Variants in ARHGAP32 observed in about 807,000 individuals in gnomAD.
ARHGAP32 encodes the protein Rho GTPase activating protein 32, also known as rho GTPase-activating protein 32.
Under a neutral mutation model 186.5 loss-of-function variants are expected in ARHGAP32, and 51 were observed. The ratio of observed to expected loss-of-function variants is 0.27; its 90% CI spans 0.22 to 0.35. The LOEUF (loss-of-function observed/expected upper bound fraction) is 0.35. Ranked by LOEUF, ARHGAP32 falls within the 10% of genes least tolerant of loss-of-function variation. ARHGAP32 has a pLI of 1.00. For missense variants in ARHGAP32, 2,186 were observed against 2,623.5 expected (o/e 0.83, Z 3.64); for synonymous variants, 950 against 964.3 (o/e 0.99, Z 0.27).
intron 11 of ARHGAP32, among the ~76,000 whole-genome samples, chr11:129,027,522 T>C (rs910564612): frequency 6.6e-6 from 1 of 152,176 alleles, no homozygotes; most frequent in African/African-American, 2.4e-5. Context: ...TCCTGACCCT[T>C]TACCAAGTCT....
chr11:129,247,592 G>A (rs1565479921), intron 1 of ARHGAP32, among the ~76,000 whole-genome samples: 1 of 152,062 alleles, frequency 6.6e-6, no homozygotes, highest in Non-Finnish European at 1.5e-5. Context: ...AGGAAAAAAA[G>A]ACTTTCTTTT....
chr11:129,240,992 A>G (rs1945009877), intron 1 of ARHGAP32, among the ~76,000 whole-genome samples: 2 of 152,228 alleles, frequency 1.3e-5, no homozygotes, highest in Non-Finnish European at 2.9e-5. Context: ...CTTAGGAATG[A>G]GACATTCCTG....
At chr11:129,068,535 T>C (rs1940768974) in intron 6 of ARHGAP32, among the ~76,000 whole-genome samples, 1 of 152,030 alleles carries the variant, frequency 6.6e-6, no homozygotes, top group Non-Finnish European at 1.5e-5. Context: ...AGCATATGAG[T>C]TCCCACTGCC....
chr11:129,261,073 G>GA (rs34119852), intron 1 of ARHGAP32, among the ~76,000 whole-genome samples: 23 of 146,098 alleles, frequency 1.6e-4, no homozygotes, highest in African/African-American at 3.7e-4. Flanking sequence ...ACACTCCTCA[G>GA]AAAAAAAAAT....
In ARHGAP32 at chr11:128,972,967, A is replaced by C. The variant is rs771603511; in HGVS notation, c.3539T>G (p.Ile1180Ser). Residue 1180 changes from isoleucine to serine, a missense_variant, in exon 22 of 23, where the codon ATT becomes AGT. Ile to Ser is a moderately radical substitution (Grantham distance 142, BLOSUM62 -2). This residue lies in a region of ARHGAP32 where 1,502 missense variants were observed against 1,570.0 expected (regional missense o/e 0.96). Transcript: ENST00000682385. ...CTCTGAGTCTAAGGGAACTGAAGTA[A>C]TTCTGGCCTTTTCTGGGTCCCCAGA... ...YLSGDPEKAR[I>S]TSVPLDSEKS... The C allele has an allele frequency of 5.0e-5, 80 of 1,614,022 alleles. 2 individuals are homozygous for C. The Middle Eastern group carries it at 6.6e-4, about 13-fold the overall frequency.
chr11:129,231,025 C>T (rs961946103), intron 1 of ARHGAP32, among the ~76,000 whole-genome samples: 2 of 152,094 alleles, frequency 1.3e-5, no homozygotes, highest in African/African-American at 4.8e-5. Context: ...ATCCCAGCTA[C>T]TCGGGAGGCT....
intron 5 of ARHGAP32, among the ~76,000 whole-genome samples, chr11:129,121,043 A>C (rs768363687): frequency 2.0e-5 from 3 of 152,122 alleles, no homozygotes; most frequent in African/African-American, 4.8e-5. Flanking sequence ...GTTTAGAATC[A>C]AATGTGCTAA....
At chr11:129,063,528 A>T (rs1464113383) in intron 9 of ARHGAP32, among the ~76,000 whole-genome samples, 2 of 152,164 alleles carry the variant, frequency 1.3e-5, no homozygotes, top group Non-Finnish European at 2.9e-5. Flanking sequence ...CTTGCTTTCC[A>T]GAAGCTCAAT....
At chr11:129,103,671 TG>T (rs1465641163) in intron 5 of ARHGAP32, among the ~76,000 whole-genome samples, 1 of 151,628 alleles carries the variant, frequency 6.6e-6, no homozygotes, top group Non-Finnish European at 1.5e-5. Flanking sequence ...TGACTCATGG[TG>T]GAAAAGTATA....
intron 1 of ARHGAP32, among the ~76,000 whole-genome samples, chr11:129,175,103 T>C: frequency 8.8e-6 from 1 of 114,266 alleles, no homozygotes. Flanking sequence ...TTAAAGGAGC[T>C]GATGGAGCTG....
At chr11:129,229,659 A>G (rs1444042019) in intron 1 of ARHGAP32, among the ~76,000 whole-genome samples, 1 of 152,196 alleles carries the variant, frequency 6.6e-6, no homozygotes, top group Non-Finnish European at 1.5e-5. Flanking sequence ...CGACTAGGCT[A>G]GGGGCCACAG....
chr11:129,121,261 G>C (rs1271413658), intron 5 of ARHGAP32, among the ~76,000 whole-genome samples: 2 of 151,652 alleles, frequency 1.3e-5, no homozygotes, highest in Non-Finnish European at 2.9e-5. Context: ...AGCAACCCAA[G>C]ATAAAAAACA....
intron 1 of ARHGAP32, among the ~76,000 whole-genome samples, chr11:129,170,180 T>C (rs948230372): frequency 6.7e-6 from 1 of 150,168 alleles, no homozygotes; most frequent in Non-Finnish European, 1.5e-5. Context: ...GGGAAATATA[T>C]ATATATAATT....
chr11:129,061,763 G>T (rs963401557), intron 10 of ARHGAP32, among the ~76,000 whole-genome samples: 3 of 152,062 alleles, frequency 2.0e-5, no homozygotes, highest in African/African-American at 7.2e-5. Context: ...TAATGTTTTC[G>T]AACCTTGGTT....
At chr11:129,193,499 AAT>A (rs1555111155), upstream of ARHGAP32, among the ~76,000 whole-genome samples, 78 of 64,358 alleles carry the variant, frequency 1.2e-3, no homozygotes, top group African/African-American at 5.1e-3. Flanking sequence ...AAAAAAAAAA[AAT>A]ATATATATAT....
chr11:128,965,515 A>T lies in ARHGAP32; in HGVS notation c.*3392T>A, dbSNP rs921313581. The T allele has an allele frequency of 1.3e-5, 2 of 152,322 alleles. No homozygotes were observed. Among genetic ancestry groups the T allele is most frequent in the African/African-American group, 2.4e-5 (1 of 41,564 alleles). 9.4% of individuals were successfully genotyped at this position (152,322 alleles called of 1,614,324 possible). ...ACTGTAAAACCATTTTTATTCTTTG[A>T]ACATTAACAGTACTAATCAGATAAG... On this transcript the variant is annotated 3_prime_UTR_variant, in exon 23 of 23. Transcript: ENST00000682385.
At chr11:129,204,760 C>A (rs1163610828) in intron 1 of ARHGAP32, among the ~76,000 whole-genome samples, 1 of 152,170 alleles carries the variant, frequency 6.6e-6, no homozygotes, top group Non-Finnish European at 1.5e-5. Context: ...AAATTACAGG[C>A]ATTTTTCTCA....
At chr11:129,276,767 T>C (rs1371193598) in intron 1 of ARHGAP32, among the ~76,000 whole-genome samples, 1 of 152,260 alleles carries the variant, frequency 6.6e-6, no homozygotes, top group Non-Finnish European at 1.5e-5. Flanking sequence ...TTCTATCATC[T>C]GATCCTTCAC....
intron 3 of ARHGAP32, 103 bp downstream of exon 3, chr11:129,124,700 A>G (rs1942617492): frequency 4.9e-6 from 4 of 809,262 alleles, no homozygotes; most frequent in Non-Finnish European, 7.6e-6. Flanking sequence ...GCACAGTAAC[A>G]GCATATTTTT....
Sources: gnomAD v4.1 joint callset for allele counts (sites outside exome capture counted in the v4.1 genomes callset) on GRCh38, gnomAD v4.1.1 for gene constraint, gnomAD v4.1.1 regional missense constraint, MANE v1.5 for transcripts, NCBI Gene and HGNC (gene_info 2026-07-23, HGNC 2026-07-21) for gene names.